Variants in NEBL observed in about 807,000 individuals in gnomAD.
NEBL encodes the protein nebulette.
Under a neutral mutation model 140.2 loss-of-function variants are expected in NEBL, and 122 were observed. The ratio of observed to expected loss-of-function variants is 0.87; its 90% CI spans 0.75 to 1.01. The LOEUF is 1.01. Ranked by LOEUF, NEBL falls within the 50% of genes least tolerant of loss-of-function variation. NEBL has a pLI of 0.00. For missense variants in NEBL, 1,365 were observed against 1,231.3 expected (o/e 1.11, Z -1.62); for synonymous variants, 436 against 398.9 (o/e 1.09, Z -1.11).
Position 21,030,052 on chromosome 10 carries a change from T to G in NEBL, c.165-9851A>C. 4 of 477,658 alleles carry G rather than the reference T, an allele frequency of 8.4e-6. 1 individual carries two copies. The highest frequency in any genetic ancestry group is 8.0e-5 in the South Asian group (4 of 49,798). 29.6% of individuals were successfully genotyped at this position (477,658 alleles called of 1,614,324 possible). A position where few individuals can be genotyped will look rare whatever the true frequency, so the allele number is the denominator to read the frequency against. On this transcript the variant is annotated intron_variant, in intron 2 of 6. Transcript: ENST00000417816. ...ATACTCCTAAGGGAGATGATTCTTC[T>G]GCTAGTACCTCCCAGTCCGGTCGAG...
At chr10:21,252,033 G>T (rs988450673) in intron 1 of NEBL, among the ~76,000 whole-genome samples, 1 of 152,070 alleles carries the variant, frequency 6.6e-6, no homozygotes, top group Non-Finnish European at 1.5e-5. Context: ...CAGCTTCCCC[G>T]CCCTCCGCTT....
intron 2 of NEBL, chr10:21,030,209 CGGG>C (rs1833721411): frequency 2.0e-6 from 1 of 512,586 alleles, no homozygotes; most frequent in Admixed American, 2.7e-5. Flanking sequence ...ATGACGGCCT[CGGG>C]AGAGACACCC....
intron 2 of NEBL, among the ~76,000 whole-genome samples, chr10:21,041,542 GA>G (rs1203309651): frequency 2.0e-5 from 3 of 152,116 alleles, no homozygotes; most frequent in Admixed American, 2.0e-4. Flanking sequence ...ATAACAGAAA[GA>G]AGGTTATACT....
At chr10:20,989,293 TTTTTTG>T (rs1207209119) in intron 3 of NEBL, among the ~76,000 whole-genome samples, 1 of 151,808 alleles carries the variant, frequency 6.6e-6, no homozygotes, top group African/African-American at 2.4e-5. Flanking sequence ...TTTGGGGAGG[TTTTTTG>T]TTTTTGTTTT....
chr10:21,272,987 C>T (rs1046480636), intron 1 of NEBL, among the ~76,000 whole-genome samples: 1 of 152,022 alleles, frequency 6.6e-6, no homozygotes, highest in African/African-American at 2.4e-5. Context: ...ACTCTGCCAC[C>T]CCGCCCCAAC....
chr10:20,904,023 T>C (rs1433936774), intron 4 of NEBL, among the ~76,000 whole-genome samples: 1 of 146,470 alleles, frequency 6.8e-6, no homozygotes, highest in Non-Finnish European at 1.5e-5. Context: ...TAAAAATAAA[T>C]TTTAAGATGT....
intron 3 of NEBL, among the ~76,000 whole-genome samples, chr10:21,197,534 A>T (rs1189149889): frequency 6.6e-6 from 1 of 152,236 alleles, no homozygotes; most frequent in African/African-American, 2.4e-5. Flanking sequence ...GCTGTATAAA[A>T]TTTAATCAGG....
chr10:21,114,695 A>T (rs1838198881), intron 2 of NEBL, among the ~76,000 whole-genome samples: 1 of 152,070 alleles, frequency 6.6e-6, no homozygotes, highest in African/African-American at 2.4e-5. Flanking sequence ...ACGTTGTCCC[A>T]TATGCATACA....
intron 2 of NEBL, among the ~76,000 whole-genome samples, chr10:21,127,854 TAAAAC>T (rs1479024401): frequency 6.6e-6 from 1 of 152,126 alleles, no homozygotes; most frequent in African/African-American, 2.4e-5. Context: ...GAGCAACTAC[TAAAAC>T]AAAACAAAAC....
chr10:20,835,365 T>C (rs1014825459), intron 14 of NEBL, 148 bp downstream of exon 14: 15 of 738,334 alleles, frequency 2.0e-5, no homozygotes, highest in Non-Finnish European at 2.7e-5. Flanking sequence ...TTTTTCAAAC[T>C]GGCATAATGC....
Position 21,017,200 on chromosome 10 carries a change from G to A in NEBL, c.249+2917C>T, listed in dbSNP as rs1476798231. ...TAAATAGAGATAATAATAAACACCT[G>A]TATCATTGAAGTTGTTTATGATTAA... On this transcript the variant is annotated intron_variant, in intron 3 of 6. Transcript: ENST00000417816. Among the ~76,000 whole-genome samples, 5 of 152,128 alleles carry A rather than the reference G, an allele frequency of 3.3e-5. No homozygotes were observed. The East Asian group carries it at 9.6e-4, about 29-fold the overall frequency.
In NEBL at chr10:21,093,477, G is replaced by A. The variant is rs149872097; in HGVS notation, c.165-73276C>T. ...AGCCAAGTTCATCAGTCCCTCCATC[G>A]GCACTGAAAAAATCCATCAGTGTTC... On this transcript the variant is annotated intron_variant, in intron 2 of 6. Coordinates refer to the NEBL transcript ENST00000417816. Among the ~76,000 whole-genome samples the A allele has an allele frequency of 7.7e-3, 1,171 of 152,040 alleles. 5 individuals carry two copies. Among genetic ancestry groups the A allele is most frequent in the Non-Finnish European group, 0.013 (907 of 67,992 alleles).
chr10:20,889,657 C>T (rs1846846160), intron 3 of NEBL, among the ~76,000 whole-genome samples, 188 bp downstream of exon 3: 1 of 152,044 alleles, frequency 6.6e-6, no homozygotes, highest in South Asian at 2.1e-4. Flanking sequence ...ATGAAGCATA[C>T]ATAGTAAAAT....
intron 22 of NEBL, among the ~76,000 whole-genome samples, chr10:20,814,851 A>G (rs1564348125): frequency 6.6e-6 from 1 of 152,222 alleles, no homozygotes; most frequent in African/African-American, 2.4e-5. Flanking sequence ...GCCACAACTT[A>G]AAGGTAATTT....
chr10:21,030,240 A>C (rs1438588869), intron 2 of NEBL: 1 of 556,322 alleles, frequency 1.8e-6, no homozygotes, highest in Non-Finnish European at 3.3e-6. Context: ...CGAAGTGAAG[A>C]AACCCAGGAA....
intron 3 of NEBL, among the ~76,000 whole-genome samples, chr10:21,245,887 G>A (rs1036773745): frequency 7.9e-5 from 12 of 152,158 alleles, no homozygotes; most frequent in African/African-American, 2.9e-4. Flanking sequence ...AGTAGAGATG[G>A]GGTTTCACTG....
At chr10:21,108,389 A>G (rs2132010699) in intron 2 of NEBL, among the ~76,000 whole-genome samples, 1 of 152,276 alleles carries the variant, frequency 6.6e-6, no homozygotes, top group African/African-American at 2.4e-5. Flanking sequence ...TTCAAAGAAC[A>G]TCTTTATTTC....
intron 4 of NEBL, among the ~76,000 whole-genome samples, chr10:20,931,618 G>A (rs1004218521): frequency 3.3e-5 from 5 of 152,088 alleles, no homozygotes; most frequent in Admixed American, 1.3e-4. Flanking sequence ...TGCCTAGGGC[G>A]GTCAATCCCA....
chr10:21,168,607 A>G lies in NEBL; in HGVS notation c.164+3776T>C, dbSNP rs554304108. ...AATTAGACAGGATATAAGATGTTATAATAATGCATTTGTTAATTTTCTTAA... is the reference window on the plus strand; with the variant it reads ...AATTAGACAGGATATAAGATGTTATGATAATGCATTTGTTAATTTTCTTAA... On this transcript the variant is annotated intron_variant, in intron 2 of 6. Coordinates refer to the NEBL transcript ENST00000417816. 2.6e-5 allele frequency among the ~76,000 whole-genome samples: 4 copies of G among 152,328 alleles called. No individual in the cohort carries two copies. In the South Asian group the frequency reaches 8.3e-4, roughly 32 times the overall value.
Sources: allele counts gnomAD v4.1 joint callset (sites outside exome capture counted in the v4.1 genomes callset), GRCh38; gene constraint gnomAD v4.1.1; transcripts MANE v1.5; gene names NCBI Gene and HGNC (gene_info 2026-07-23, HGNC 2026-07-21).